The following MCU variants were observed in gnomAD, a reference collection of about 807,000 sequenced individuals.
MCU encodes the protein calcium uniporter protein, mitochondrial.
In MCU, 12 loss-of-function variants were observed where a neutral mutation model predicts 45.2. The ratio of observed to expected loss-of-function variants is 0.27; its 90% CI spans 0.17 to 0.43. The LOEUF is 0.43. Among genes scored for constraint, MCU ranks in the 20% least tolerant of loss-of-function variants. The pLI, the probability that MCU is intolerant of heterozygous loss-of-function variation, is 1.00. For missense variants in MCU, 324 were observed against 436.7 expected, an observed-to-expected ratio of 0.74 and a Z score of 2.30; for synonymous variants, 160 against 165.1, an observed-to-expected ratio of 0.97 and a Z score of 0.24.
chr10:72,799,315 T>A (rs1324086959), intron 1 of MCU, among the ~76,000 whole-genome samples: 4 of 152,222 alleles, frequency 2.6e-5, no homozygotes, highest in Non-Finnish European at 5.9e-5. Context: ...ATTAATAGTA[T>A]TACAGTGAAC....
chr10:72,878,283 A>G lies in MCU; in HGVS notation c.862-5983A>G, dbSNP rs74448922. Among the ~76,000 whole-genome samples the G allele has an allele frequency of 7.7e-3, 1,172 of 151,864 alleles. 16 individuals are homozygous for G. Among genetic ancestry groups the G allele is most frequent in the African/African-American group, 0.027 (1,109 of 41,400 alleles). On this transcript the variant is annotated intron_variant, in intron 6 of 7. Transcript: ENST00000373053. Reference sequence around the variant, plus strand: ...CAAGCACATATCACCATGCCCAGCTAGGATTTTTTGGCATTTTTTGTAGAG... The same window carrying G: ...CAAGCACATATCACCATGCCCAGCTGGGATTTTTTGGCATTTTTTGTAGAG...
At chr10:72,857,365 G>A (rs932131441) in intron 2 of MCU, among the ~76,000 whole-genome samples, 2 of 151,450 alleles carry the variant, frequency 1.3e-5, no homozygotes, top group African/African-American at 2.4e-5. Flanking sequence ...TCAGCCTCCC[G>A]AGTAGCTGGG....
At chr10:72,693,214 C>G (rs1025344555) in intron 1 of MCU, 16 of 842,094 alleles carry the variant, frequency 1.9e-5, no homozygotes, top group African/African-American at 1.0e-4. Flanking sequence ...GAGAGAGAGA[C>G]AGAGTGTGAG....
chr10:72,704,078 CTG>C (rs1842789752), intron 1 of MCU, among the ~76,000 whole-genome samples: 1 of 152,110 alleles, frequency 6.6e-6, no homozygotes, highest in East Asian at 1.9e-4. Flanking sequence ...AGATGAGCCT[CTG>C]AAGAATTTCA....
intron 1 of MCU, among the ~76,000 whole-genome samples, chr10:72,795,091 A>G (rs1180014141): frequency 6.6e-6 from 1 of 152,202 alleles, no homozygotes; most frequent in Non-Finnish European, 1.5e-5. Context: ...ATTTAACTAT[A>G]GACAGCTAGA....
At position 72,797,742 on chromosome 10, in the gene MCU, C is replaced by T. The variant is rs563652423; in HGVS notation, c.151-36617C>T. Among the ~76,000 whole-genome samples the T allele has an allele frequency of 2.6e-4, 40 of 152,104 alleles. No individual in the cohort carries two copies. The South Asian group carries it at 7.3e-3, about 28-fold the overall frequency. The stretch of plus-strand genomic sequence containing the variant: ...TAGAGACAGGGTTTCACTGTGTTGG[C>T]CAGGCTGGTCTCGAGCTCCTGACCT... On this transcript the variant is annotated intron_variant, in intron 1 of 7. Coordinates refer to ENST00000373053, the MANE Select transcript of MCU (RefSeq NM_138357.3).
chr10:72,717,896 A>G (rs1842973889), intron 1 of MCU, among the ~76,000 whole-genome samples: 1 of 152,214 alleles, frequency 6.6e-6, no homozygotes, highest in African/African-American at 2.4e-5. Flanking sequence ...ATTTTTGAAC[A>G]GTTTTAGATT....
intron 1 of MCU, among the ~76,000 whole-genome samples, chr10:72,805,108 T>TTTCTTTCTTTCC (rs1844416379): frequency 9.0e-6 from 1 of 111,450 alleles, no homozygotes; most frequent in African/African-American, 4.2e-5. Flanking sequence ...TTTCTCTTTC[T>TTTCTTTCTTTCC]TTCTTTCTTT....
intron 1 of MCU, among the ~76,000 whole-genome samples, chr10:72,752,988 A>T (rs558678685): frequency 3.0e-4 from 45 of 152,314 alleles, no homozygotes; most frequent in African/African-American, 1.1e-3. Context: ...TTTCTGCATG[A>T]CATGTGGATA....
chr10:72,870,389 C>T (rs1436866283), intron 5 of MCU, among the ~76,000 whole-genome samples: 2 of 152,280 alleles, frequency 1.3e-5, no homozygotes, highest in East Asian at 3.9e-4. Context: ...CGCCATTCTC[C>T]TGCCTCAGCC....
intron 2 of MCU, among the ~76,000 whole-genome samples, chr10:72,851,390 G>T (rs1427161023): frequency 6.6e-6 from 1 of 152,180 alleles, no homozygotes; most frequent in East Asian, 1.9e-4. Flanking sequence ...CAAGAGAGGA[G>T]AACTGCAATA....
chr10:72,833,416 C>T (rs149817035), intron 1 of MCU, among the ~76,000 whole-genome samples: 37 of 152,102 alleles, frequency 2.4e-4, no homozygotes, highest in East Asian at 1.5e-3. Flanking sequence ...TAAGTTGAAA[C>T]GAGATGGAAA....
intron 1 of MCU, among the ~76,000 whole-genome samples, chr10:72,763,577 G>A (rs527841137): frequency 3.7e-4 from 56 of 152,096 alleles, no homozygotes; most frequent in Non-Finnish European, 7.2e-4. Context: ...GGATGAGTAG[G>A]GATGGAGAGA....
intron 1 of MCU, among the ~76,000 whole-genome samples, chr10:72,764,476 G>T (rs547841511): frequency 5.0e-4 from 76 of 152,254 alleles, no homozygotes; most frequent in Admixed American, 9.2e-4. Context: ...ATGATTCTGT[G>T]GTTGGTCCAG....
At position 72,711,652 on chromosome 10, in the gene MCU, C is replaced by G. The variant is rs185371879; in HGVS notation, c.150+19351C>G. Among the ~76,000 whole-genome samples the G allele has an allele frequency of 3.1e-3, 468 of 150,570 alleles. 2 individuals are homozygous for G. The highest frequency in any genetic ancestry group is 0.011 in the African/African-American group (436 of 41,010). ...TTGAGGCCAGTAGTTTGAGGTTACA[C>G]TGAGCTATAATTGGGCCATTGCACT... On this transcript the variant is annotated intron_variant, in intron 1 of 7. Transcript: ENST00000373053.
chr10:72,721,647 T>C (rs529683452), intron 1 of MCU, among the ~76,000 whole-genome samples: 128 of 152,344 alleles, frequency 8.4e-4, no homozygotes, highest in Non-Finnish European at 1.5e-3. Context: ...CTCTTGAGTC[T>C]CTGCTGAAAT....
intron 1 of MCU, among the ~76,000 whole-genome samples, chr10:72,770,966 T>TA (rs1164438834): frequency 3.9e-5 from 6 of 152,184 alleles, no homozygotes; most frequent in African/African-American, 1.4e-4. Context: ...ATAGCTTTCT[T>TA]TACTATTTCT....
intron 6 of MCU, among the ~76,000 whole-genome samples, chr10:72,874,581 G>C (rs1845592290): frequency 6.6e-6 from 1 of 152,030 alleles, no homozygotes; most frequent in Non-Finnish European, 1.5e-5. Context: ...ACTTTTCTTG[G>C]CCTCCCAAAT....
chr10:72,827,352 C>T (rs117102253), intron 1 of MCU, among the ~76,000 whole-genome samples: 232 of 152,218 alleles, frequency 1.5e-3, no homozygotes, highest in Middle Eastern at 3.4e-3. Context: ...TGCATTTGTA[C>T]CTACATCAGT....
Sources: gnomAD v4.1 joint callset for allele counts (sites outside exome capture counted in the v4.1 genomes callset) on GRCh38, gnomAD v4.1.1 for gene constraint, MANE v1.5 for transcripts, NCBI Gene and HGNC (gene_info 2026-07-23, HGNC 2026-07-21) for gene names.